The following DPP10 variants were observed in gnomAD, a reference collection of about 807,000 sequenced individuals.
The protein encoded by DPP10 is inactive dipeptidyl peptidase 10.
DPP10 carries 33 observed loss-of-function variants against 120.9 expected under a neutral mutation model. That is an observed-to-expected ratio of 0.27 (90% CI 0.21 to 0.37). DPP10 has a LOEUF of 0.37. DPP10 is among the 10% of genes least tolerant of loss of function. The probability of loss-of-function intolerance (pLI) is 1.00; values close to 1 mark genes in which losing one functional copy is unlikely to be tolerated. For synonymous variants in DPP10, 337 were observed against 326.1 expected (o/e 1.03, Z -0.36); for missense variants, 816 against 942.8 (o/e 0.87, Z 1.76).
At chr2:115,188,001 CAG>C (rs1322840961) in intron 1 of DPP10, among the ~76,000 whole-genome samples, 1 of 150,038 alleles carries the variant, frequency 6.7e-6, no homozygotes, top group Non-Finnish European at 1.5e-5. Context: ...GCCTGGGCAA[CAG>C]AGTGAGACTA....
intron 8 of DPP10, among the ~76,000 whole-genome samples, chr2:115,734,735 C>T (rs1279038103): frequency 6.7e-6 from 1 of 149,278 alleles, no homozygotes; most frequent in Non-Finnish European, 1.5e-5. Context: ...TATACACACA[C>T]ACGTATATGT....
At chr2:114,622,982 T>C (rs1357647198) in intron 1 of DPP10, among the ~76,000 whole-genome samples, 1 of 152,074 alleles carries the variant, frequency 6.6e-6, no homozygotes, top group Admixed American at 6.6e-5. Context: ...GTTGACAATT[T>C]GGAGGTGACA....
chr2:114,612,114 A>G (rs563481814), intron 1 of DPP10, among the ~76,000 whole-genome samples: 2 of 152,110 alleles, frequency 1.3e-5, no homozygotes, highest in Non-Finnish European at 2.9e-5. Flanking sequence ...TTCTACATCA[A>G]CGTCTCCCTC....
intron 1 of DPP10, among the ~76,000 whole-genome samples, chr2:115,186,248 A>T (rs1160310474): frequency 6.6e-6 from 1 of 152,132 alleles, no homozygotes; most frequent in Admixed American, 6.5e-5. Flanking sequence ...ACCCATTTCT[A>T]TGTGGAAGTT....
At chr2:114,594,585 C>CAT (rs1002181495) in intron 1 of DPP10, among the ~76,000 whole-genome samples, 1 of 147,526 alleles carries the variant, frequency 6.8e-6, no homozygotes, top group African/African-American at 2.5e-5. Flanking sequence ...ATATATATCT[C>CAT]ATATATATAC....
chr2:115,064,364 A>G (rs1374382902), intron 1 of DPP10, among the ~76,000 whole-genome samples: 1 of 152,186 alleles, frequency 6.6e-6, no homozygotes, highest in East Asian at 1.9e-4. Context: ...GGGAGAGCCA[A>G]TAGAAAATGT....
At chr2:115,498,062 A>G (rs1329614844) in intron 3 of DPP10, among the ~76,000 whole-genome samples, 3 of 152,016 alleles carry the variant, frequency 2.0e-5, no homozygotes, top group Admixed American at 6.6e-5. Context: ...AGCCTCAGGG[A>G]GTAACTGGGA....
At chr2:114,571,517 T>C (rs1029596727) in intron 1 of DPP10, among the ~76,000 whole-genome samples, 5 of 152,166 alleles carry the variant, frequency 3.3e-5, no homozygotes, top group African/African-American at 1.2e-4. Context: ...AACAGACTAA[T>C]ACCTTTAACA....
intron 1 of DPP10, among the ~76,000 whole-genome samples, chr2:114,619,413 A>G (rs889719334): frequency 2.7e-5 from 4 of 146,310 alleles, no homozygotes; most frequent in Non-Finnish European, 6.0e-5. Flanking sequence ...GTGTGTGTGT[A>G]CACACACATA....
At chr2:114,576,372 G>A (rs866608730) in intron 1 of DPP10, among the ~76,000 whole-genome samples, 9 of 152,304 alleles carry the variant, frequency 5.9e-5, no homozygotes, top group Middle Eastern at 3.4e-3. Flanking sequence ...GGAGGGAATC[G>A]TAGTACTGGA....
intron 1 of DPP10, among the ~76,000 whole-genome samples, chr2:114,917,007 T>C (rs560400824): frequency 2.0e-5 from 3 of 152,284 alleles, no homozygotes; most frequent in African/African-American, 4.8e-5. Flanking sequence ...GTCATCCGAA[T>C]AGGAAGAGAC....
intron 1 of DPP10, among the ~76,000 whole-genome samples, chr2:115,271,651 A>G (rs2059705036): frequency 1.3e-5 from 2 of 152,182 alleles, no homozygotes. Flanking sequence ...TTAGAAAGGT[A>G]AAATATATCT....
intron 2 of DPP10, among the ~76,000 whole-genome samples, chr2:115,314,164 T>C (rs2061690890): frequency 6.6e-6 from 1 of 152,220 alleles, no homozygotes; most frequent in African/African-American, 2.4e-5. Flanking sequence ...GCATATTTTA[T>C]GAGTCAGAAT....
intron 1 of DPP10, among the ~76,000 whole-genome samples, chr2:115,014,701 T>G (rs1412866905): frequency 6.6e-6 from 1 of 151,958 alleles, no homozygotes; most frequent in African/African-American, 2.4e-5. Flanking sequence ...CATCAGATAA[T>G]ATTATAAACA....
intron 3 of DPP10, among the ~76,000 whole-genome samples, chr2:115,478,150 A>G (rs1400173987): frequency 6.6e-6 from 1 of 152,130 alleles, no homozygotes; most frequent in Non-Finnish European, 1.5e-5. Flanking sequence ...TGGGGATTGC[A>G]TTTCAATGAG....
chr2:114,910,587 T>G (rs999135933), intron 1 of DPP10, among the ~76,000 whole-genome samples: 2 of 152,100 alleles, frequency 1.3e-5, no homozygotes, highest in Non-Finnish European at 2.9e-5. Context: ...CTAAGCAGTT[T>G]GTGGTCATTG....
rs1677766031 is a variant in DPP10 at position 115,744,968 on chromosome 2, AT to A, written c.853-1116del. 1.3e-5 allele frequency among the ~76,000 whole-genome samples: 2 copies of A among 150,346 alleles called. 1 individual carries two copies. Among genetic ancestry groups the A allele is most frequent in the South Asian group, 4.2e-4 (2 of 4,790 alleles). ...TGTTTAGAAACATATTAAGTACCTT[AT>A]TGGTACTTAATGGCATATTAAGTCT... is the stretch of plus-strand genomic sequence containing the variant. On this transcript the variant is annotated intron_variant, in intron 9 of 25. Coordinates refer to ENST00000410059, the MANE Select transcript of DPP10 (RefSeq NM_020868.6).
chr2:115,215,405 A>G (rs989033303), intron 1 of DPP10, among the ~76,000 whole-genome samples: 94 of 152,228 alleles, frequency 6.2e-4, no homozygotes, highest in African/African-American at 2.2e-3. Flanking sequence ...AATTTTGAGC[A>G]TTTGTGAATT....
At chr2:115,837,056 G>T (rs774298058) in intron 24 of DPP10, among the ~76,000 whole-genome samples, 1 of 152,156 alleles carries the variant, frequency 6.6e-6, no homozygotes, top group Non-Finnish European at 1.5e-5. Flanking sequence ...CTGAGGAACT[G>T]AATTGATTTT....
Sources: allele counts gnomAD v4.1 joint callset (sites outside exome capture counted in the v4.1 genomes callset), GRCh38; gene constraint gnomAD v4.1.1; transcripts MANE v1.5; gene names NCBI Gene and HGNC (gene_info 2026-07-23, HGNC 2026-07-21).